CFAP90: variants seen among roughly 807,000 people sequenced by gnomAD.
CFAP90 encodes cilia- and flagella-associated protein 90.
chr5:7,839,951 G>T, the CFAP90 span, among the ~76,000 whole-genome samples: 1 of 152,080 alleles, frequency 6.6e-6, no homozygotes, highest in South Asian at 2.1e-4. Flanking sequence ...CTTTTCCCAG[G>T]ATTTTAATTA....
the CFAP90 span, chr5:7,832,141 T>C: frequency 9.5e-7 from 1 of 1,054,360 alleles, no homozygotes. Context: ...GGTCCCACCA[T>C]GGTAGACCAA....
chr5:7,838,242 T>A, the CFAP90 span, among the ~76,000 whole-genome samples: 2 of 152,114 alleles, frequency 1.3e-5, no homozygotes, highest in Admixed American at 6.5e-5. Context: ...CTCGTACACA[T>A]GAAAACAATA....
chr5:7,850,994 C>G, the CFAP90 span: 2 of 1,287,164 alleles, frequency 1.6e-6, no homozygotes, highest in Non-Finnish European at 2.0e-6. Flanking sequence ...AGCGTGGACG[C>G]GGTGGTCTCC....
chr5:7,832,778 A>AC, the CFAP90 span, among the ~76,000 whole-genome samples: 3 of 152,212 alleles, frequency 2.0e-5, no homozygotes, highest in East Asian at 5.8e-4. Flanking sequence ...ATGAGCCACC[A>AC]CACCCAGCCC....
At chr5:7,833,651 A>G in the CFAP90 span, among the ~76,000 whole-genome samples, 7 of 152,196 alleles carry the variant, frequency 4.6e-5, no homozygotes, top group Non-Finnish European at 7.3e-5. Context: ...ACACATGTAC[A>G]CACATGTATG....
At chr5:7,841,284 T>C in the CFAP90 span, among the ~76,000 whole-genome samples, 1 of 152,102 alleles carries the variant, frequency 6.6e-6, no homozygotes, top group South Asian at 2.1e-4. Flanking sequence ...TGAGATACCA[T>C]CTCATTCCAG....
At chr5:7,839,034 G>A in the CFAP90 span, among the ~76,000 whole-genome samples, 1 of 152,150 alleles carries the variant, frequency 6.6e-6, no homozygotes, top group Non-Finnish European at 1.5e-5. Flanking sequence ...ATGATGTGTG[G>A]GGAGGCCTCA....
the CFAP90 span, among the ~76,000 whole-genome samples, chr5:7,838,338 A>G: frequency 6.7e-6 from 1 of 148,604 alleles, no homozygotes; most frequent in South Asian, 2.1e-4. Context: ...TTTAAAAAAA[A>G]CATTTTAAGA....
chr5:7,839,222 C>T, the CFAP90 span, among the ~76,000 whole-genome samples: 11 of 152,278 alleles, frequency 7.2e-5, no homozygotes, highest in African/African-American at 2.2e-4. Flanking sequence ...GTTCCTCCCA[C>T]GACACATGGG....
At chr5:7,842,222 C>A in the CFAP90 span, among the ~76,000 whole-genome samples, 6 of 151,832 alleles carry the variant, frequency 4.0e-5, no homozygotes, top group East Asian at 7.8e-4. Flanking sequence ...AAACTGGGAC[C>A]CTAGTCCTTT....
At chr5:7,841,479 A>G in the CFAP90 span, among the ~76,000 whole-genome samples, 1 of 152,238 alleles carries the variant, frequency 6.6e-6, no homozygotes, top group African/African-American at 2.4e-5. Context: ...TACTGAGTAT[A>G]TACCCAAAGG....
At chr5:7,832,708 G>A in the CFAP90 span, among the ~76,000 whole-genome samples, 9 of 152,106 alleles carry the variant, frequency 5.9e-5, no homozygotes, top group East Asian at 9.7e-4. Context: ...GGCTGGTCTC[G>A]AACTCCTGAC....
chr5:7,845,112 GAC>G, the CFAP90 span, among the ~76,000 whole-genome samples: 85 of 151,858 alleles, frequency 5.6e-4, 1 homozygote, highest in South Asian at 1.5e-3. Context: ...TGGCAGGAGA[GAC>G]AGAGAGAGAG....
the CFAP90 span, among the ~76,000 whole-genome samples, chr5:7,846,606 A>G: frequency 6.6e-6 from 1 of 152,070 alleles, no homozygotes; most frequent in African/African-American, 2.4e-5. Flanking sequence ...GCCTCCTAAT[A>G]CTGTCATGTT....
At chr5:7,836,719 T>C in the CFAP90 span, among the ~76,000 whole-genome samples, 1 of 152,232 alleles carries the variant, frequency 6.6e-6, no homozygotes, top group Non-Finnish European at 1.5e-5. Context: ...GACTTCAACC[T>C]GTCTTCCCAT....
chr5:7,847,343 C>T, the CFAP90 span, among the ~76,000 whole-genome samples: 1 of 152,048 alleles, frequency 6.6e-6, no homozygotes, highest in Non-Finnish European at 1.5e-5. Context: ...CCTCAGTTAC[C>T]CAAACTGCAT....
the CFAP90 span, among the ~76,000 whole-genome samples, chr5:7,847,834 G>A: frequency 3.3e-5 from 5 of 152,172 alleles, no homozygotes; most frequent in Admixed American, 6.5e-5. Flanking sequence ...CAATTTCACC[G>A]CCTTTCCCTA....
the CFAP90 span, among the ~76,000 whole-genome samples, chr5:7,848,193 G>T: frequency 6.6e-6 from 1 of 152,092 alleles, no homozygotes; most frequent in Non-Finnish European, 1.5e-5. Flanking sequence ...GGAAAAAAAT[G>T]AAGTCCCTGG....
the CFAP90 span, among the ~76,000 whole-genome samples, chr5:7,844,612 G>A: frequency 2.6e-5 from 4 of 152,200 alleles, no homozygotes; most frequent in Non-Finnish European, 5.9e-5. Context: ...AGAAAAATAG[G>A]CAGGGAGAAG....
Sources: allele counts gnomAD v4.1 joint callset (sites outside exome capture counted in the v4.1 genomes callset), GRCh38; gene constraint gnomAD v4.1.1; transcripts MANE v1.5; gene names NCBI Gene and HGNC (gene_info 2026-07-23, HGNC 2026-07-21).